Variants in DNAH17 observed in about 807,000 individuals in gnomAD.
The protein encoded by DNAH17 is dynein axonemal heavy chain 17.
DNAH17 carries 376 observed loss-of-function variants against 485.6 expected under a neutral mutation model. The ratio of observed to expected loss-of-function variants is 0.77; its 90% CI spans 0.71 to 0.84. The LOEUF is 0.84. Ranked by LOEUF, DNAH17 falls within the 40% of genes least tolerant of loss-of-function variation. The pLI, the probability that DNAH17 is intolerant of heterozygous loss-of-function variation, is 0.00. For synonymous variants in DNAH17, 3,031 were observed against 2,405.9 expected (o/e 1.26, Z -7.60); for missense variants, 6,370 against 5,839.3 (o/e 1.09, Z -2.96).
intron 16 of DNAH17, among the ~76,000 whole-genome samples, chr17:78,547,869 T>TG (rs35988003): frequency 0.23 from 34,465 of 152,078 alleles, 4,605 homozygotes; most frequent in African/African-American, 0.37. Context: ...CGGCCTGCCT[T>TG]GGCCTCCCAA....
At chr17:78,506,297 G>C (rs1262640533) in intron 30 of DNAH17, among the ~76,000 whole-genome samples, 2 of 151,696 alleles carry the variant, frequency 1.3e-5, no homozygotes, top group Non-Finnish European at 2.9e-5. Context: ...GTGAGCCACT[G>C]TGCCTGACCT....
intron 51 of DNAH17, 40 bp from the exon 52 acceptor site, chr17:78,476,773 C>A (rs4969207): frequency 1.3e-6 from 2 of 1,592,926 alleles, no homozygotes; most frequent in African/African-American, 2.7e-5. Context: ...TCAGCTGTTA[C>A]GAAGGCGAGC....
At chr17:78,510,245 A>C in intron 27 of DNAH17, 139 bp downstream of exon 27, 3 of 1,175,868 alleles carry the variant, frequency 2.6e-6, no homozygotes, top group Middle Eastern at 6.1e-4. Flanking sequence ...GATTTGTCAC[A>C]GGTTGGGTAA....
At chr17:78,573,425 C>T (rs1299921692) in intron 2 of DNAH17, among the ~76,000 whole-genome samples, 1 of 151,898 alleles carries the variant, frequency 6.6e-6, no homozygotes, top group Non-Finnish European at 1.5e-5. Flanking sequence ...ATGGTGAAAC[C>T]TCGTCTCTAC....
Position 78,429,740 on chromosome 17 carries a change from G to A in DNAH17, c.12226-440C>T, listed in dbSNP as rs118108453. On this transcript the variant is annotated intron_variant, in intron 75 of 80. Transcript: ENST00000389840. The stretch of plus-strand genomic sequence containing the variant: ...TCACGGTCCAATTTCAACACAAGTG[G>A]TTTGATTCTGTGTGGCTCAAGGATT... Among the ~76,000 whole-genome samples the A allele has an allele frequency of 2.4e-3, 371 of 152,330 alleles. 7 individuals are homozygous for A. In the East Asian group the frequency reaches 0.037, roughly 15 times the overall value.
rs1349054490 is a variant in DNAH17, at chr17:78,423,736, A to C, written c.*170T>G. 1.1e-6 allele frequency: 1 copy of C among 871,834 alleles called. No homozygotes were observed. The highest frequency in any genetic ancestry group is 2.5e-5 in the East Asian group (1 of 39,664). The allele number at this position is 871,834 out of a possible 1,614,324, so 54.0% of individuals were successfully genotyped here. A position where few individuals can be genotyped will look rare whatever the true frequency, so the allele number is the denominator to read the frequency against. The stretch of plus-strand genomic sequence containing the variant: ...GGCTTTAATCTGCCCCACCTCTTCC[A>C]CACCAACCTCCACCCTCTGGTTCCG... On this transcript the variant is annotated 3_prime_UTR_variant, in exon 81 of 81. Transcript: ENST00000389840.
intron 25 of DNAH17, among the ~76,000 whole-genome samples, chr17:78,519,506 C>A (rs691909): frequency 0.21 from 32,642 of 152,062 alleles, 3,902 homozygotes; most frequent in East Asian, 0.47. Flanking sequence ...AAATCTTTTT[C>A]TTTGAAAAAT....
chr17:78,566,660 A>G lies in DNAH17; in HGVS notation c.1523T>C (p.Phe508Ser). 6.2e-7 allele frequency: 1 copy of G among 1,611,302 alleles called. No homozygotes were observed. Among genetic ancestry groups the G allele is most frequent in the Non-Finnish European group, 8.5e-7 (1 of 1,178,834 alleles). ...QDLDRRLATIFCQGFDDCSCI... is the reference protein window; with the variant it reads ...QDLDRRLATISCQGFDDCSCI... ...GCTGCAGTCATCAAATCCTTGGCAA[A>G]AGATCGTGGCCAGCCTCCTATCCAG... Residue 508 changes from phenylalanine (F) to serine (S), a missense_variant, in exon 11 of 81, where the codon TTT becomes TCT. Transcript: ENST00000389840.
Position 78,541,796 on chromosome 17 carries a change from GCT to G in DNAH17, c.2533-1918_2533-1917del, listed in dbSNP as rs372325859. Among the ~76,000 whole-genome samples, 417 of 152,220 alleles carry G rather than the reference GCT, an allele frequency of 2.7e-3. 1 individual carries two copies. The highest frequency in any genetic ancestry group is 8.7e-3 in the African/African-American group (361 of 41,510). On this transcript the variant is annotated intron_variant, in intron 17 of 80. Coordinates refer to ENST00000389840, the MANE Select transcript of DNAH17 (RefSeq NM_173628.4). ...ACCCTAAGTCAAATCTCTCTCCTGT[GCT>G]CTGTTTCCAACCCTTCTGAGAGTGT...
In DNAH17 at chr17:78,492,691, G is replaced by A. The variant is rs377510490; in HGVS notation, c.6483C>T (p.Ala2161=). ...KPVAVDLDPK[A]VTCDELFGII... Reference sequence around the variant, plus strand: ...TGCCAAAGAGCTCGTCGCAGGTGACGGCCTTGGGGTCCAGGTCCACGGCGA... The same window carrying A: ...TGCCAAAGAGCTCGTCGCAGGTGACAGCCTTGGGGTCCAGGTCCACGGCGA... Residue 2161 remains alanine (A), a synonymous_variant, in exon 42 of 81, where the codon GCC becomes GCT. Coordinates refer to ENST00000389840, the MANE Select transcript of DNAH17 (RefSeq NM_173628.4). The A allele has an allele frequency of 5.8e-5, 93 of 1,613,374 alleles. 1 individual carries two copies. Among genetic ancestry groups the A allele is most frequent in the East Asian group, 4.5e-5 (2 of 44,850 alleles).
chr17:78,529,426 G>C (rs753411379), intron 22 of DNAH17, 46 bp downstream of exon 22: 4 of 1,593,950 alleles, frequency 2.5e-6, no homozygotes, highest in Non-Finnish European at 3.4e-6. Context: ...GGCCGGGATG[G>C]CTCTCCCTGC....
rs139413520 is a variant in DNAH17, at chr17:78,438,602, G to A, written c.11805+488C>T. Among the ~76,000 whole-genome samples, 922 of 150,524 alleles carry A rather than the reference G, an allele frequency of 6.1e-3. 15 individuals carry two copies. Among genetic ancestry groups the A allele is most frequent in the African/African-American group, 0.022 (884 of 40,888 alleles). On this transcript the variant is annotated intron_variant, in intron 73 of 80. Coordinates refer to ENST00000389840, the MANE Select transcript of DNAH17 (RefSeq NM_173628.4). The stretch of plus-strand genomic sequence containing the variant: ...AACCTCTGCCTCCCCGGGTTCAAGC[G>A]ATTTTCCTGCCTCAGCCTCCCAAGT...
At chr17:78,456,465 T>A (rs1284895025) in intron 62 of DNAH17, among the ~76,000 whole-genome samples, 2 of 152,172 alleles carry the variant, frequency 1.3e-5, no homozygotes, top group Non-Finnish European at 2.9e-5. Flanking sequence ...GTGCTGAAGA[T>A]GCTGCCAGAT....
At chr17:78,576,687 G>C (rs1236395932) in intron 1 of DNAH17, among the ~76,000 whole-genome samples, 2 of 152,192 alleles carry the variant, frequency 1.3e-5, no homozygotes, top group Non-Finnish European at 2.9e-5. Flanking sequence ...AGCTGGTCAG[G>C]CGACTGGACT....
intron 64 of DNAH17, among the ~76,000 whole-genome samples, chr17:78,453,948 T>C (rs1404605563): frequency 6.6e-6 from 1 of 152,104 alleles, no homozygotes; most frequent in Non-Finnish European, 1.5e-5. Flanking sequence ...GCTCAAGCGA[T>C]CCTCCTTCCT....
In DNAH17 at chr17:78,494,811, C is replaced by T. The variant is rs749614253; in HGVS notation, c.6052G>A (p.Asp2018Asn). 7.5e-6 allele frequency: 12 copies of T among 1,605,146 alleles called. No homozygotes were observed. Among genetic ancestry groups the T allele is most frequent in the Admixed American group, 5.0e-5 (3 of 59,444 alleles). The change falls in exon 40 of 81, where the codon GAC becomes AAC. Residue 2018 changes from aspartate (D) to asparagine (N), a missense_variant. Transcript: ENST00000389840. ...GACTTGATGGCTCTCAGGCCCCAGT[C>T]GTAATGATCCTGCGGGCAGTGGGCA... ...KELLSKQDHY[D>N]WGLRAIKSVL... is the part of the protein sequence containing the mutation.
chr17:78,458,423 T>C (rs552554156), intron 62 of DNAH17, 142 bp downstream of exon 62: 3 of 684,298 alleles, frequency 4.4e-6, no homozygotes, highest in Admixed American at 5.3e-5. Flanking sequence ...TTTATCCTAA[T>C]TACTTTGAGC....
chr17:78,425,730 C>A, intron 79 of DNAH17, 159 bp from the exon 80 acceptor site: 1 of 520,554 alleles, frequency 1.9e-6, no homozygotes, highest in South Asian at 3.3e-5. Context: ...GCCCAGCCAC[C>A]TACCATGACG....
chr17:78,485,605 G>C lies in DNAH17; in HGVS notation c.7428C>G (p.Asn2476Lys). 1 of 1,613,884 alleles carries C rather than the reference G, an allele frequency of 6.2e-7. No individual in the cohort carries two copies. The change falls in exon 47 of 81, where the codon AAC (asparagine) becomes AAG (lysine). Residue 2476 changes from asparagine (N) to lysine (K), a missense_variant. Coordinates refer to ENST00000389840, the MANE Select transcript of DNAH17 (RefSeq NM_173628.4). ...GDKLESLNTD[N>K]YLVQAVPFNF... ...TGAAGGGCACAGCCTGCACCAGGTA[G>C]TTGTCCGTGTTCAGGCTTTCCAGCT...
Sources: allele counts gnomAD v4.1 joint callset (sites outside exome capture counted in the v4.1 genomes callset), GRCh38; gene constraint gnomAD v4.1.1; transcripts MANE v1.5; gene names NCBI Gene and HGNC (gene_info 2026-07-23, HGNC 2026-07-21).